C16orf46: variants seen among roughly 807,000 people sequenced by gnomAD.
The protein encoded by C16orf46 is chromosome 16 open reading frame 46, also known as uncharacterized protein C16orf46.
A neutral mutation model predicts 5.5 loss-of-function variants in C16orf46; 7 were observed. That is an observed-to-expected ratio of 1.28 (90% CI 0.73 to 2.40). The LOEUF is 2.40. Ranked by LOEUF, C16orf46 falls within the 30% of genes most tolerant of loss-of-function variation. The pLI, the probability that C16orf46 is intolerant of heterozygous loss-of-function variation, is 0.00. For missense variants in C16orf46, 614 were observed against 476.0 expected (o/e 1.29, Z -2.70); for synonymous variants, 200 against 184.1 (o/e 1.09, Z -0.70).
intron 1 of C16orf46, among the ~76,000 whole-genome samples, chr16:81,068,536 G>T (rs1333531248): frequency 3.3e-5 from 5 of 150,754 alleles, no homozygotes; most frequent in Non-Finnish European, 7.4e-5. Flanking sequence ...ATGCCATATG[G>T]TACAGAAAGG....
intron 3 of C16orf46, among the ~76,000 whole-genome samples, chr16:81,054,644 T>A (rs1429283164): frequency 1.3e-5 from 2 of 148,172 alleles, no homozygotes; most frequent in Non-Finnish European, 3.0e-5. Flanking sequence ...CCCGGCCACA[T>A]GTGATATATC....
intron 3 of C16orf46, among the ~76,000 whole-genome samples, chr16:81,054,911 G>A (rs993211667): frequency 1.3e-5 from 2 of 152,230 alleles, no homozygotes; most frequent in Non-Finnish European, 2.9e-5. Context: ...GGCTCCCAAT[G>A]TGCTGGGATT....
At chr16:81,065,817 A>ATTTTGTTTTGTTTTGTTTTGTTTTG (rs67787866) in intron 2 of C16orf46, among the ~76,000 whole-genome samples, 2 of 149,658 alleles carry the variant, frequency 1.3e-5, no homozygotes, top group African/African-American at 4.9e-5. Flanking sequence ...TAGTTTTTTT[A>ATTTTGTTTTGTTTTGTTTTGTTTTG]TTTTGTTTTG....
At chr16:81,074,875 T>G (rs1971975594) in intron 1 of C16orf46, among the ~76,000 whole-genome samples, 1 of 152,200 alleles carries the variant, frequency 6.6e-6, no homozygotes, top group African/African-American at 2.4e-5. Flanking sequence ...CCTTGTAAAA[T>G]TTCCCCTTTT....
At position 81,061,650 on chromosome 16, in the gene C16orf46, GAA is replaced by G; in HGVS notation, c.697_698del (p.Phe233LeufsTer30). 6.2e-7 allele frequency: 1 copy of G among 1,614,162 alleles called. No individual in the cohort carries two copies. Among genetic ancestry groups the G allele is most frequent in the Non-Finnish European group, 8.5e-7 (1 of 1,180,026 alleles). ...DVLGKKSKNS[F>X]LQSEEKVLDV... ...CCAGCACCTTCTCTTCTGACTGCAA[GAA>G]AGAGTTCTTACTCTTCTTACCCAGA... On this transcript the variant is annotated frameshift_variant, in exon 4 of 4. Coordinates refer to ENST00000299578, the MANE Select transcript of C16orf46 (RefSeq NM_152337.3). LOFTEE classifies it low-confidence loss of function (END_TRUNC).
chr16:81,062,195 C>T, intron 3 of C16orf46, 57 bp from the exon 4 acceptor site: 2 of 1,437,302 alleles, frequency 1.4e-6, no homozygotes, highest in Non-Finnish European at 1.8e-6. Flanking sequence ...TGTCCTTGCC[C>T]CAATTTTGGC....
intron 1 of C16orf46, chr16:81,076,748 C>A (rs891940456): frequency 1.3e-5 from 2 of 152,424 alleles, no homozygotes; most frequent in Non-Finnish European, 2.9e-5. Flanking sequence ...CAGGCCACAC[C>A]CCTTTCTCTA....
downstream of C16orf46, chr16:81,060,261 A>ACGC (rs1216524821): frequency 6.6e-6 from 1 of 152,222 alleles, no homozygotes; most frequent in African/African-American, 2.4e-5. Flanking sequence ...GACACCCTGG[A>ACGC]CGCACAGGGT....
At chr16:81,053,738 C>T (rs1971212414) in exon 4 of C16orf46, 2 of 223,762 alleles carry the variant, frequency 8.9e-6, no homozygotes, top group East Asian at 1.9e-4. Context: ...TGAAATAGTC[C>T]AATGTATCTG....
At chr16:81,060,857 T>G, downstream of C16orf46, 6 of 514,896 alleles carry the variant, frequency 1.2e-5, no homozygotes, top group Non-Finnish European at 1.4e-5. Flanking sequence ...CTGCTGGGAG[T>G]GGACATGAAG....
At chr16:81,074,112 T>G (rs1971946564) in intron 1 of C16orf46, among the ~76,000 whole-genome samples, 1 of 152,246 alleles carries the variant, frequency 6.6e-6, no homozygotes, top group South Asian at 2.1e-4. Context: ...CCTGCAAATT[T>G]TGTTCCTCAG....
At chr16:81,058,444 G>C (rs1035192276), downstream of C16orf46, among the ~76,000 whole-genome samples, 2 of 152,174 alleles carry the variant, frequency 1.3e-5, no homozygotes, top group African/African-American at 4.8e-5. Flanking sequence ...CACAGTGATG[G>C]TGTTTAGACT....
At chr16:81,060,839 C>A, downstream of C16orf46, 5 of 379,104 alleles carry the variant, frequency 1.3e-5, no homozygotes, top group Non-Finnish European at 2.0e-5. Flanking sequence ...CCACTTTCTG[C>A]GTGGCTTCTG....
At chr16:81,055,009 T>A (rs1971254805) in intron 3 of C16orf46, among the ~76,000 whole-genome samples, 1 of 152,224 alleles carries the variant, frequency 6.6e-6, no homozygotes, top group Non-Finnish European at 1.5e-5. Flanking sequence ...TGTGCTTAAC[T>A]AGTAAGAACT....
rs896229808 is a variant in C16orf46, at chr16:81,066,239, A to T, written c.-85T>A. 3 of 152,080 alleles carry T rather than the reference A, an allele frequency of 2.0e-5. No homozygotes were observed. The highest frequency in any genetic ancestry group is 6.6e-5 in the Admixed American group (1 of 15,226). The allele number at this position is 152,080 out of a possible 1,614,324, so 9.4% of individuals were successfully genotyped here. On this transcript the variant is annotated 5_prime_UTR_variant, in exon 2 of 4. Transcript: ENST00000299578. ...GGAACACTGGTGTACTTCAGGCAGG[A>T]TCAACACGCTCCGCTACTAAAAGAG... is the stretch of plus-strand genomic sequence containing the variant.
rs987630504 is a variant in C16orf46 at position 81,067,132 on chromosome 16, G to T, written c.-127-851C>A. Among the ~76,000 whole-genome samples the T allele has an allele frequency of 3.9e-5, 6 of 152,214 alleles. No homozygotes were observed. In the East Asian group the frequency reaches 1.2e-3, roughly 29 times the overall value. On this transcript the variant is annotated intron_variant, in intron 1 of 3. Coordinates refer to ENST00000299578, the MANE Select transcript of C16orf46 (RefSeq NM_152337.3). ...TATTTGGAAACGAAAGAAAGATGGT[G>T]AATGAGAGCCTAAAAAATATAGCCT...
chr16:81,059,552 A>C (rs2911160), downstream of C16orf46, among the ~76,000 whole-genome samples: 2 of 152,146 alleles, frequency 1.3e-5, no homozygotes, highest in Non-Finnish European at 2.9e-5. Context: ...TGTGTCTACA[A>C]AGCAACATCA....
intron 1 of C16orf46, among the ~76,000 whole-genome samples, chr16:81,067,557 GGTTT>G (rs1012120802): frequency 2.6e-5 from 4 of 151,998 alleles, no homozygotes; most frequent in Non-Finnish European, 4.4e-5. Flanking sequence ...TGTTTGTTTT[GGTTT>G]GTTTTTTTGT....
At position 81,061,463 on chromosome 16, in the gene C16orf46, G is replaced by C. The variant is rs1231553577; in HGVS notation, c.886C>G (p.Gln296Glu). The C allele has an allele frequency of 1.2e-6, 2 of 1,614,076 alleles. No homozygotes were observed. Among genetic ancestry groups the C allele is most frequent in the Non-Finnish European group, 1.7e-6 (2 of 1,180,028 alleles). The change falls in exon 4 of 4, where the codon CAG becomes GAG. Residue 296 changes from glutamine (Q) to glutamate (E), a missense_variant. Coordinates refer to ENST00000299578, the MANE Select transcript of C16orf46 (RefSeq NM_152337.3). ...AQISLLTDPEQRCLHWSLLSE... is the reference protein window; with the variant it reads ...AQISLLTDPEERCLHWSLLSE... ...AGGAGGGACCAATGCAGGCAGCGCT[G>C]CTCCGGATCGGTCAGCAGGGATATC...
Sources: allele counts gnomAD v4.1 joint callset (sites outside exome capture counted in the v4.1 genomes callset), GRCh38; gene constraint gnomAD v4.1.1; transcripts MANE v1.5; gene names NCBI Gene and HGNC (gene_info 2026-07-23, HGNC 2026-07-21).